SUMF1: variants seen among roughly 807,000 people sequenced by gnomAD.
SUMF1 encodes the protein sulfatase modifying factor 1, also known as formylglycine-generating enzyme.
In SUMF1, 48 loss-of-function variants were observed where a neutral mutation model predicts 47.6. That is an observed-to-expected ratio of 1.01 (90% CI 0.80 to 1.28). SUMF1 has a LOEUF of 1.28. SUMF1 is among the 50% of genes most tolerant of loss of function. SUMF1 has a pLI of 0.00. For missense variants in SUMF1, 571 were observed against 485.4 expected (o/e 1.18, Z -1.66); for synonymous variants, 230 against 192.1 (o/e 1.20, Z -1.63).
chr3:4,196,081 T>G (rs185074466), intron 8 of SUMF1, among the ~76,000 whole-genome samples: 66 of 152,230 alleles, frequency 4.3e-4, no homozygotes, highest in African/African-American at 1.5e-3. Context: ...TTAGGCTACA[T>G]GGAGCAGAAC....
chr3:4,466,934 A>G, intron 1 of SUMF1, 42 bp downstream of exon 1: 1 of 1,598,230 alleles, frequency 6.3e-7, no homozygotes, highest in African/African-American at 1.3e-5. Flanking sequence ...CCGTCCAGGA[A>G]CCGAGCAGCC....
At chr3:4,176,494 A>C (rs1694966028) in intron 8 of SUMF1, among the ~76,000 whole-genome samples, 1 of 152,202 alleles carries the variant, frequency 6.6e-6, no homozygotes, top group Non-Finnish European at 1.5e-5. Context: ...ATGCTGAGAG[A>C]TTTTGTCACC....
chr3:4,105,826 T>C (rs1196731754), intron 8 of SUMF1, among the ~76,000 whole-genome samples: 2 of 152,124 alleles, frequency 1.3e-5, no homozygotes, highest in African/African-American at 4.8e-5. Context: ...ATATGTTATT[T>C]ACATAAATGT....
chr3:4,072,844 C>G (rs957459766), intron 8 of SUMF1, among the ~76,000 whole-genome samples: 2 of 151,984 alleles, frequency 1.3e-5, no homozygotes, highest in Non-Finnish European at 2.9e-5. Flanking sequence ...GTGAAAAGAC[C>G]AAACCTACGT....
chr3:4,127,641 C>T (rs1693685644), intron 8 of SUMF1, among the ~76,000 whole-genome samples: 1 of 152,076 alleles, frequency 6.6e-6, no homozygotes, highest in Non-Finnish European at 1.5e-5. Context: ...ATTGTGGGAC[C>T]TTGTGATTGT....
chr3:4,330,516 G>A (rs1014490975), intron 8 of SUMF1, among the ~76,000 whole-genome samples: 13 of 152,250 alleles, frequency 8.5e-5, no homozygotes, highest in East Asian at 1.9e-4. Flanking sequence ...CAGATCTCAC[G>A]AGACTTATTC....
chr3:4,247,615 A>G (rs1696699154), intron 8 of SUMF1, among the ~76,000 whole-genome samples: 1 of 152,170 alleles, frequency 6.6e-6, no homozygotes, highest in Non-Finnish European at 1.5e-5. Context: ...GCTTAGATTT[A>G]TTGGAGACTA....
intron 3 of SUMF1, among the ~76,000 whole-genome samples, chr3:4,448,161 AAC>A (rs1702846948): frequency 6.6e-6 from 1 of 152,210 alleles, no homozygotes; most frequent in Non-Finnish European, 1.5e-5. Context: ...ATTTATCTAA[AAC>A]ACATATTAAA....
At chr3:4,093,351 T>G (rs1158951604) in intron 8 of SUMF1, among the ~76,000 whole-genome samples, 3 of 152,072 alleles carry the variant, frequency 2.0e-5, no homozygotes, top group South Asian at 4.2e-4. Flanking sequence ...AAAACTAAAG[T>G]GCTGGCCACA....
chr3:4,243,201 T>C (rs1334584040), intron 8 of SUMF1, among the ~76,000 whole-genome samples: 1 of 152,206 alleles, frequency 6.6e-6, no homozygotes, highest in African/African-American at 2.4e-5. Context: ...TGTTGATCTT[T>C]TCAATAAACC....
chr3:4,386,078 T>C (rs917725255), intron 7 of SUMF1, among the ~76,000 whole-genome samples: 1 of 152,192 alleles, frequency 6.6e-6, no homozygotes, highest in South Asian at 2.1e-4. Context: ...TCCTCTCACA[T>C]TATTATTTTT....
At chr3:4,341,843 ATG>A (rs966267590) in intron 8 of SUMF1, among the ~76,000 whole-genome samples, 5 of 152,132 alleles carry the variant, frequency 3.3e-5, no homozygotes, top group Admixed American at 2.6e-4. Flanking sequence ...AACGCTATTT[ATG>A]TGTGTGTGTG....
At chr3:4,213,560 CA>C (rs1306523125) in intron 8 of SUMF1, among the ~76,000 whole-genome samples, 2 of 152,104 alleles carry the variant, frequency 1.3e-5, no homozygotes, top group Non-Finnish European at 2.9e-5. Flanking sequence ...TCACATATAA[CA>C]ATATTAACCA....
intron 9 of SUMF1, among the ~76,000 whole-genome samples, chr3:4,066,178 C>T (rs1695372316): frequency 6.6e-6 from 1 of 151,920 alleles, no homozygotes; most frequent in Non-Finnish European, 1.5e-5. Context: ...GGAACCCTCC[C>T]CCATCATTTA....
At position 4,362,260 on chromosome 3, in the gene SUMF1, T is replaced by C. The variant is rs368707139; in HGVS notation, c.1015-6A>G. On this transcript the variant is annotated splice_region_variant and splice_polypyrimidine_tract_variant and intron_variant, in intron 8 of 8. Coordinates refer to ENST00000272902, the MANE Select transcript of SUMF1 (RefSeq NM_182760.4). ...CGATACCTGTAACAATAAGACTGTG[T>C]AGAGAGAAAGAGCAAGGTAAGTGCT... 4 of 1,612,976 alleles carry C rather than the reference T, an allele frequency of 2.5e-6. No individual in the cohort carries two copies. Among genetic ancestry groups the C allele is most frequent in the Admixed American group, 1.7e-5 (1 of 59,996 alleles).
chr3:4,351,737 A>G (rs1055268416), intron 8 of SUMF1, among the ~76,000 whole-genome samples: 1 of 152,188 alleles, frequency 6.6e-6, no homozygotes, highest in Non-Finnish European at 1.5e-5. Flanking sequence ...AAAAATGTGT[A>G]GTCGTAGCCT....
intron 8 of SUMF1, among the ~76,000 whole-genome samples, chr3:4,218,677 C>CAT (rs1158214046): frequency 6.6e-6 from 1 of 152,120 alleles, no homozygotes; most frequent in Non-Finnish European, 1.5e-5. Flanking sequence ...CGTGTGAGAG[C>CAT]ATCAGTTTAT....
rs142936523 is a variant in SUMF1 at position 4,049,837 on chromosome 3, A to G, written c.1191+18732T>C. 8.3e-4 allele frequency among the ~76,000 whole-genome samples: 126 copies of G among 152,148 alleles called. 2 individuals carry two copies. Among genetic ancestry groups the G allele is most frequent in the South Asian group, 1.7e-3 (8 of 4,806 alleles). On this transcript the variant is annotated intron_variant and NMD_transcript_variant, in intron 9 of 12. Transcript: ENST00000448413. The stretch of plus-strand genomic sequence containing the variant: ...CCCAGAAGAGTCAGGTCACATACAG[A>G]CTTGAAGGATGAATGTGGGGGTATT...
chr3:4,310,067 C>T (rs310724), intron 8 of SUMF1, among the ~76,000 whole-genome samples: 49,476 of 151,988 alleles, frequency 0.33, 10,736 homozygotes, highest in African/African-American at 0.61. Context: ...ATACTTGTAA[C>T]GCAGTGGTGT....
Sources: gnomAD v4.1 joint callset for allele counts (sites outside exome capture counted in the v4.1 genomes callset) on GRCh38, gnomAD v4.1.1 for gene constraint, MANE v1.5 for transcripts, NCBI Gene and HGNC (gene_info 2026-07-23, HGNC 2026-07-21) for gene names.